The following GPC6 variants were observed in gnomAD, a reference collection of about 807,000 sequenced individuals.
GPC6 encodes glypican-6.
A neutral mutation model predicts 55.2 loss-of-function variants in GPC6; 14 were observed. The ratio of observed to expected loss-of-function variants is 0.25; its 90% confidence interval spans 0.17 to 0.40. The LOEUF (loss-of-function observed/expected upper bound fraction) is 0.40. GPC6 is among the 10% of genes least tolerant of loss of function. The pLI is 1.00. For synonymous variants in GPC6, 278 were observed against 259.6 expected (o/e 1.07, Z -0.68); for missense variants, 641 against 708.5 (o/e 0.90, Z 1.08).
chr13:94,328,023 C>G (rs1461814421), intron 6 of GPC6, among the ~76,000 whole-genome samples: 3 of 152,158 alleles, frequency 2.0e-5, no homozygotes, highest in African/African-American at 7.2e-5. Context: ...TTCCTGCTTC[C>G]TGGAGATCGC....
At chr13:94,198,416 G>A (rs1042946969) in intron 4 of GPC6, among the ~76,000 whole-genome samples, 1 of 152,140 alleles carries the variant, frequency 6.6e-6, no homozygotes, top group Non-Finnish European at 1.5e-5. Flanking sequence ...AACGAACTAG[G>A]AAGATGATTT....
intron 4 of GPC6, among the ~76,000 whole-genome samples, chr13:94,086,537 A>T (rs1436424557): frequency 6.6e-6 from 1 of 152,116 alleles, no homozygotes; most frequent in Non-Finnish European, 1.5e-5. Context: ...GGTCTTAGAA[A>T]TTATAAGTGG....
At chr13:94,305,502 C>A (rs1214444112) in intron 5 of GPC6, among the ~76,000 whole-genome samples, 2 of 152,034 alleles carry the variant, frequency 1.3e-5, no homozygotes, top group African/African-American at 2.4e-5. Context: ...TTGAAATCAA[C>A]AAGAAAAAGC....
chr13:93,759,774 A>G (rs971842908), intron 2 of GPC6, among the ~76,000 whole-genome samples: 1 of 152,062 alleles, frequency 6.6e-6, no homozygotes, highest in Non-Finnish European at 1.5e-5. Context: ...AAACTAACCC[A>G]CCCAAACAAA....
chr13:94,293,694 T>C (rs1875143823), intron 5 of GPC6, among the ~76,000 whole-genome samples: 1 of 152,194 alleles, frequency 6.6e-6, no homozygotes, highest in Non-Finnish European at 1.5e-5. Flanking sequence ...ATTTCCTTAT[T>C]ATACAGGTAA....
At chr13:93,503,228 G>A (rs1403199935) in intron 1 of GPC6, among the ~76,000 whole-genome samples, 2 of 152,114 alleles carry the variant, frequency 1.3e-5, no homozygotes, top group Non-Finnish European at 2.9e-5. Context: ...TTGCTACCAA[G>A]TTCTAAATTA....
intron 1 of GPC6, among the ~76,000 whole-genome samples, chr13:93,512,611 C>A (rs1000388507): frequency 1.3e-5 from 2 of 151,944 alleles, no homozygotes; most frequent in African/African-American, 4.8e-5. Flanking sequence ...GGGATATTGG[C>A]AAGTAGTTTT....
chr13:93,389,154 G>A (rs1875517341), intron 1 of GPC6, among the ~76,000 whole-genome samples: 1 of 152,018 alleles, frequency 6.6e-6, no homozygotes. Context: ...TAGCTGGAAG[G>A]ATGAATGGGT....
At chr13:93,877,753 G>A (rs1437303789) in intron 3 of GPC6, among the ~76,000 whole-genome samples, 1 of 152,114 alleles carries the variant, frequency 6.6e-6, no homozygotes, top group Admixed American at 6.6e-5. Context: ...TTTGTTAGAA[G>A]AGTTGTAAAT....
chr13:93,384,365 G>A (rs1875306255), intron 1 of GPC6, among the ~76,000 whole-genome samples: 1 of 149,764 alleles, frequency 6.7e-6, no homozygotes, highest in Non-Finnish European at 1.5e-5. Flanking sequence ...TTTTCATTAT[G>A]AGTTTCAACC....
intron 2 of GPC6, among the ~76,000 whole-genome samples, chr13:93,723,557 A>G (rs1228220707): frequency 2.6e-5 from 4 of 152,014 alleles, no homozygotes; most frequent in Non-Finnish European, 4.4e-5. Flanking sequence ...AAGCCACACT[A>G]AAATTTCTGA....
At chr13:93,882,845 T>C (rs1031245516) in intron 3 of GPC6, among the ~76,000 whole-genome samples, 1 of 152,144 alleles carries the variant, frequency 6.6e-6, no homozygotes, top group African/African-American at 2.4e-5. Context: ...ATAAACCTCA[T>C]GGAGGAGGTA....
chr13:93,628,809 G>A (rs1423929696), intron 2 of GPC6, among the ~76,000 whole-genome samples: 3 of 152,070 alleles, frequency 2.0e-5, no homozygotes, highest in African/African-American at 7.2e-5. Flanking sequence ...TGTTTTAGAA[G>A]TAAAAATATT....
At chr13:93,894,143 A>G (rs1176689966) in intron 3 of GPC6, among the ~76,000 whole-genome samples, 2 of 152,160 alleles carry the variant, frequency 1.3e-5, no homozygotes, top group African/African-American at 2.4e-5. Context: ...TTATTGCTGC[A>G]TATGTTTTTC....
chr13:93,279,809 A>C (rs1877885979), intron 1 of GPC6, among the ~76,000 whole-genome samples: 1 of 152,234 alleles, frequency 6.6e-6, no homozygotes, highest in Non-Finnish European at 1.5e-5. Context: ...TGAAAATACA[A>C]AAACATTGTT....
At chr13:93,916,183 C>A (rs149031943) in intron 3 of GPC6, among the ~76,000 whole-genome samples, 1 of 152,078 alleles carries the variant, frequency 6.6e-6, no homozygotes, top group East Asian at 1.9e-4. Context: ...TGTCTCATTT[C>A]TCCTTGATTC....
chr13:93,567,478 CT>C (rs71662443), intron 2 of GPC6, among the ~76,000 whole-genome samples: 12,330 of 148,856 alleles, frequency 0.083, 1,008 homozygotes, highest in East Asian at 0.32. Context: ...TCTATTGAAA[CT>C]TTTTTTTTTG....
chr13:94,254,030 C>T (rs1206754842), intron 4 of GPC6, among the ~76,000 whole-genome samples: 1 of 152,086 alleles, frequency 6.6e-6, no homozygotes, highest in African/African-American at 2.4e-5. Flanking sequence ...GTGCTGTTTC[C>T]TTCCCAACCA....
Position 94,297,329 on chromosome 13 carries a change from T to A in GPC6, c.1009-8651T>A, listed in dbSNP as rs554663556. Among the ~76,000 whole-genome samples the A allele has an allele frequency of 4.6e-5, 7 of 152,282 alleles. No homozygotes were observed. The South Asian group carries it at 1.5e-3, about 32-fold the overall frequency. ...GGAAGGAATGGTAGAGCCCGTCTGA[T>A]GTAAATTACATGCTTACTTATATTC... On this transcript the variant is annotated intron_variant, in intron 5 of 8. Transcript: ENST00000377047.
Sources: gnomAD v4.1 joint callset for allele counts (sites outside exome capture counted in the v4.1 genomes callset) on GRCh38, gnomAD v4.1.1 for gene constraint, MANE v1.5 for transcripts, NCBI Gene and HGNC (gene_info 2026-07-23, HGNC 2026-07-21) for gene names.